The following TMF1 variants were observed in gnomAD, a reference collection of about 807,000 sequenced individuals.
The protein encoded by TMF1 is TATA element modulatory factor.
TMF1 carries 71 observed loss-of-function variants against 126.5 expected under a neutral mutation model. That is an observed-to-expected ratio of 0.56 (90% confidence interval 0.46 to 0.68). The LOEUF is 0.68. Among genes scored for constraint, TMF1 ranks in the 30% least tolerant of loss-of-function variants. The probability of loss-of-function intolerance (pLI) is 0.00; values close to 1 mark genes in which losing one functional copy is unlikely to be tolerated. For synonymous variants in TMF1, 461 were observed against 430.5 expected, an observed-to-expected ratio of 1.07 and a Z score of -0.88; for missense variants, 1,259 against 1,253.2, an observed-to-expected ratio of 1.00 and a Z score of -0.07.
intron 13 of TMF1, 64 bp downstream of exon 13, chr3:69,027,836 A>C: frequency 1.2e-6 from 1 of 814,512 alleles, no homozygotes; most frequent in Non-Finnish European, 2.0e-6. Flanking sequence ...ATTAAAAAGC[A>C]ATGATTAATC....
intron 10 of TMF1, among the ~76,000 whole-genome samples, chr3:69,032,530 C>T (rs2091808329): frequency 6.6e-6 from 1 of 151,948 alleles, no homozygotes; most frequent in Non-Finnish European, 1.5e-5. Context: ...TGAAGGGAAA[C>T]ATTTTAGAAT....
At position 69,033,663 on chromosome 3, in the gene TMF1, T is replaced by G; in HGVS notation, c.2286A>C (p.Gln762His). Reference sequence around the variant, plus strand: ...ATGGTCTTGTTGTTGATGAAACACTTTGACTCAGTTCCTGGTTTCGATTCT... The same window carrying G: ...ATGGTCTTGTTGTTGATGAAACACTGTGACTCAGTTCCTGGTTTCGATTCT... ...EAENRNQELSQSVSSTTRPLL... is the reference protein window; with the variant it reads ...EAENRNQELSHSVSSTTRPLL... The change falls in exon 10 of 17, where the codon CAA (glutamine) becomes CAC (histidine). Residue 762 changes from glutamine to histidine, a missense_variant. Physicochemically the swap from Gln to His is conservative, Grantham distance 24. Transcript: ENST00000398559. 1 of 1,613,708 alleles carries G rather than the reference T, an allele frequency of 6.2e-7. No homozygotes were observed. Among genetic ancestry groups the G allele is most frequent in the East Asian group, 2.2e-5 (1 of 44,836 alleles).
At position 69,028,239 on chromosome 3, in the gene TMF1, G is replaced by T. The variant is rs767336034; in HGVS notation, c.2651C>A (p.Thr884Lys). ...KDEYVRTLEE[T>K]RKEKTLLNSQ... Reference sequence around the variant, plus strand: ...GAAGAGAAATACCTTTTCTTTCCTCGTCTCTTCAAGTGTTCTTACATATTC... The same window carrying T: ...GAAGAGAAATACCTTTTCTTTCCTCTTCTCTTCAAGTGTTCTTACATATTC... The change falls in exon 12 of 17, where the codon ACG (threonine) becomes AAG (lysine). Residue 884 changes from threonine to lysine, a missense_variant. Coordinates refer to ENST00000398559, the MANE Select transcript of TMF1 (RefSeq NM_007114.3). The T allele has an allele frequency of 6.1e-5, 99 of 1,612,396 alleles. No homozygotes were observed. Among genetic ancestry groups the T allele is most frequent in the Non-Finnish European group, 8.0e-5 (94 of 1,179,040 alleles).
chr3:69,040,692 C>T (rs146561067), intron 5 of TMF1, among the ~76,000 whole-genome samples: 12 of 152,078 alleles, frequency 7.9e-5, no homozygotes, highest in Admixed American at 7.9e-4. Context: ...TTTTGGGAAG[C>T]AGGCGGATCA....
At position 69,021,585 on chromosome 3, in the gene TMF1, A is replaced by T. The variant is rs1337197293; in HGVS notation, c.*1592T>A. The T allele has an allele frequency of 1.3e-5, 2 of 152,246 alleles. No individual in the cohort carries two copies. The highest frequency in any genetic ancestry group is 4.8e-5 in the African/African-American group (2 of 41,450). The allele number at this position is 152,246 out of a possible 1,614,324, so 9.4% of individuals were successfully genotyped here. ...AAAGAACAAAAAATGAGGTCATTTG[A>T]ATTGCCCTGAAAAACTCCAAATTCT... On this transcript the variant is annotated 3_prime_UTR_variant, in exon 17 of 17. Coordinates refer to ENST00000398559, the MANE Select transcript of TMF1 (RefSeq NM_007114.3).
chr3:69,026,932 A>T (rs897599855), intron 13 of TMF1, among the ~76,000 whole-genome samples: 8 of 152,214 alleles, frequency 5.3e-5, no homozygotes, highest in African/African-American at 1.9e-4. Context: ...TAGTTTAAAT[A>T]TATTATGCTA....
intron 1 of TMF1, among the ~76,000 whole-genome samples, chr3:69,050,116 C>A (rs1021240859): frequency 1.3e-5 from 2 of 151,840 alleles, no homozygotes; most frequent in Non-Finnish European, 2.9e-5. Flanking sequence ...AAAAATTAGG[C>A]AGGTGTGGTG....
At position 69,039,557 on chromosome 3, in the gene TMF1, C is replaced by T; in HGVS notation, c.1821G>A (p.Leu607=). Residue 607 remains leucine (L), a synonymous_variant, in exon 6 of 17, where the codon TTG becomes TTA. Transcript: ENST00000398559. ...AATTATGATTGCTATTCACCTGTTT[C>T]AAATGCTGCAACTCCTCTTCTAGCT... The part of the protein sequence containing the change: ...VKELEEELQH[L]KQVLDGKEEV... 6.2e-7 allele frequency: 1 copy of T among 1,611,148 alleles called. No homozygotes were observed. Among genetic ancestry groups the T allele is most frequent in the Admixed American group, 1.7e-5 (1 of 59,176 alleles).
At chr3:69,023,950 T>C in intron 16 of TMF1, 105 bp downstream of exon 16, 1 of 1,128,950 alleles carries the variant, frequency 8.9e-7, no homozygotes. Context: ...TAGTACTCTT[T>C]AATTTTCAAA....
intron 15 of TMF1, chr3:69,024,383 T>G (rs2107452917): frequency 2.6e-6 from 1 of 380,496 alleles, no homozygotes; most frequent in African/African-American, 2.1e-5. Context: ...AGGTATACCG[T>G]TTATAAGGTT....
In TMF1 at chr3:69,035,096, G is replaced by A; in HGVS notation, c.2171C>T (p.Ala724Val). 6.2e-7 allele frequency: 1 copy of A among 1,614,062 alleles called. No homozygotes were observed. The highest frequency in any genetic ancestry group is 8.5e-7 in the Non-Finnish European group (1 of 1,179,966). Residue 724 changes from alanine to valine, a missense_variant, in exon 9 of 17, where the codon GCA becomes GTA. By Grantham distance (64) the Ala-to-Val change is moderately conservative (BLOSUM62 0). Transcript: ENST00000398559. The stretch of plus-strand genomic sequence containing the variant: ...AGCCGCTTGTTCTGTACGCTGCAAT[G>A]CAAGCCTAAGGTCCCCCACCTGTAG... ...LAIQVGDLRLALQRTEQAAAR... is the reference protein window; with the variant it reads ...LAIQVGDLRLVLQRTEQAAAR...
In TMF1 at chr3:69,047,801, G is replaced by A; in HGVS notation, c.904C>T (p.Pro302Ser). 1 of 1,614,018 alleles carries A rather than the reference G, an allele frequency of 6.2e-7. No homozygotes were observed. Residue 302 changes from proline (P) to serine (S), a missense_variant, in exon 2 of 17, where the codon CCT becomes TCT. Transcript: ENST00000398559. ...AAATCATCTAAACGATTATATTCAG[G>A]ACAAGCAGATGCAGAGAGAAGCTGA... ...SFQLLSASACPEYNRLDDFQK... is the reference protein window; with the variant it reads ...SFQLLSASACSEYNRLDDFQK...
At position 69,038,697 on chromosome 3, in the gene TMF1, G is replaced by A. The variant is rs2091846595; in HGVS notation, c.2018C>T (p.Ala673Val). ...AYKELTDLHK[A>V]NAAKDSEAQE... ...TGCCTCACTATCCTTTGCAGCATTG[G>A]CTTTGTGAAGATCAGTAAGTTCTCT... Residue 673 changes from alanine (A) to valine (V), a missense_variant, in exon 8 of 17, where the codon GCC becomes GTC. Coordinates refer to ENST00000398559, the MANE Select transcript of TMF1 (RefSeq NM_007114.3). The A allele has an allele frequency of 6.2e-7, 1 of 1,612,398 alleles. No individual in the cohort carries two copies. Among genetic ancestry groups the A allele is most frequent in the Non-Finnish European group, 8.5e-7 (1 of 1,179,544 alleles).
intron 16 of TMF1, 152 bp from the exon 17 acceptor site, chr3:69,023,472 T>C: frequency 1.5e-6 from 1 of 679,702 alleles, no homozygotes; most frequent in Non-Finnish European, 2.3e-6. Context: ...CTTCAGTCTA[T>C]GTTGAACTAA....
At chr3:69,033,947 G>GGT (rs2091818821) in intron 9 of TMF1, 1 of 300,042 alleles carries the variant, frequency 3.3e-6, no homozygotes, top group Non-Finnish European at 6.1e-6. Flanking sequence ...CCTCCCAGCT[G>GGT]GGACTACAGG....
rs1288990716 is a variant in TMF1 at position 69,022,203 on chromosome 3, C to G, written c.*974G>C. ...TGATAAATCACAAAATTAAAAATGC[C>G]AAATTCAAGTTAATTCCTATAATTC... On this transcript the variant is annotated 3_prime_UTR_variant, in exon 17 of 17. Transcript: ENST00000398559. 1.3e-5 allele frequency: 2 copies of G among 152,342 alleles called. No homozygotes were observed. The highest frequency in any genetic ancestry group is 3.8e-4 in the East Asian group (2 of 5,202). 9.4% of individuals were successfully genotyped at this position (152,342 alleles called of 1,614,324 possible).
Position 69,038,926 on chromosome 3 carries a change from T to C in TMF1, c.1911A>G (p.Lys637=), listed in dbSNP as rs201366322. Residue 637 remains lysine (K), a synonymous_variant, in exon 7 of 17, where the codon AAA becomes AAG. Coordinates refer to ENST00000398559, the MANE Select transcript of TMF1 (RefSeq NM_007114.3). ...TGTCTACCTGAAGACGGCCAAGATCTTTCTCTTGGCGTTCTACCATGGAAT... is the reference window on the plus strand; with the variant it reads ...TGTCTACCTGAAGACGGCCAAGATCCTTCTCTTGGCGTTCTACCATGGAAT... The part of the protein sequence containing the change: ...KLNSMVERQE[K]DLGRLQVDMD... 201 of 1,612,266 alleles carry C rather than the reference T, an allele frequency of 1.2e-4. 5 individuals carry two copies. The South Asian group carries it at 1.6e-3, about 13-fold the overall frequency.
intron 5 of TMF1, chr3:69,042,426 A>C: frequency 2.2e-6 from 1 of 459,980 alleles, no homozygotes; most frequent in Admixed American, 2.3e-5. Flanking sequence ...CAAATGTCAG[A>C]AAAAGACAAT....
intron 8 of TMF1, among the ~76,000 whole-genome samples, chr3:69,035,720 A>C (rs1317785988): frequency 6.6e-6 from 1 of 152,218 alleles, no homozygotes; most frequent in Non-Finnish European, 1.5e-5. Context: ...ATGTCGATAC[A>C]ACATGAATAT....
Sources: allele counts gnomAD v4.1 joint callset (sites outside exome capture counted in the v4.1 genomes callset), GRCh38; gene constraint gnomAD v4.1.1; transcripts MANE v1.5; gene names NCBI Gene and HGNC (gene_info 2026-07-23, HGNC 2026-07-21).